The following SEC31A variants were observed in gnomAD, a reference collection of about 807,000 sequenced individuals.
SEC31A encodes SEC31 homolog A, COPII component, also known as protein transport protein Sec31A.
Under a neutral mutation model 151.0 loss-of-function variants are expected in SEC31A, and 70 were observed. The observed-to-expected ratio is 0.46, with a 90% CI of 0.38 to 0.57. SEC31A has a LOEUF of 0.57. Ranked by LOEUF, SEC31A falls within the 20% of genes least tolerant of loss-of-function variation. The probability of loss-of-function intolerance (pLI) is 0.00; values close to 1 mark genes in which losing one functional copy is unlikely to be tolerated. For synonymous variants in SEC31A, 475 were observed against 505.9 expected, an observed-to-expected ratio of 0.94 and a Z score of 0.82; for missense variants, 1,330 against 1,471.2, an observed-to-expected ratio of 0.90 and a Z score of 1.57.
intron 18 of SEC31A, 59 bp downstream of exon 18, chr4:82,853,511 G>A: frequency 2.2e-6 from 3 of 1,364,210 alleles, no homozygotes; most frequent in Non-Finnish European, 3.0e-6. Context: ...ATAACTTGAT[G>A]ATAAGTAGGG....
Position 82,867,326 on chromosome 4 carries a change from C to T in SEC31A, c.883-10G>A, listed in dbSNP as rs1276388234. The T allele has an allele frequency of 1.2e-6, 2 of 1,608,690 alleles. No homozygotes were observed. Among genetic ancestry groups the T allele is most frequent in the Admixed American group, 3.4e-5 (2 of 59,022 alleles). ...GAAGTTCATATAACACCTAGGCCAA[C>T]AAAAAACAAACAACAAAACTCAGAA... On this transcript the variant is annotated splice_polypyrimidine_tract_variant and intron_variant, in intron 8 of 26. Transcript: ENST00000395310.
chr4:82,853,671 G>C lies in SEC31A; in HGVS notation c.2053C>G (p.Gln685Glu). ...RLENEGDSLLQTQACLCYICA... is the reference protein window; with the variant it reads ...RLENEGDSLLETQACLCYICA... ...ATATAGCAGAGACATGCTTGAGTCT[G>C]CAGGAGGCTATCTCCTTCATTTTCA... Residue 685 changes from glutamine to glutamate, a missense_variant, in exon 18 of 27, where the codon CAG becomes GAG. Transcript: ENST00000395310. 6.2e-7 allele frequency: 1 copy of C among 1,601,132 alleles called. No homozygotes were observed. The highest frequency in any genetic ancestry group is 8.5e-7 in the Non-Finnish European group (1 of 1,176,764).
chr4:82,872,316 A>C (rs1479572108), intron 6 of SEC31A, among the ~76,000 whole-genome samples: 3 of 152,086 alleles, frequency 2.0e-5, no homozygotes. Context: ...CAGCCTCCTG[A>C]GTAGCTGGGA....
At chr4:82,857,649 G>C (rs1468436064) in intron 15 of SEC31A, 40 bp downstream of exon 15, 2 of 1,287,932 alleles carry the variant, frequency 1.6e-6, no homozygotes, top group African/African-American at 3.0e-5. Flanking sequence ...GTTTTCCAAT[G>C]GTTAAAAAAA....
intron 3 of SEC31A, among the ~76,000 whole-genome samples, chr4:82,898,307 A>G (rs193054356): frequency 6.6e-6 from 1 of 152,344 alleles, no homozygotes; most frequent in Non-Finnish European, 1.5e-5. Context: ...AACAACAAAA[A>G]AAGTATAGAT....
chr4:82,867,790 G>C (rs1173509219), intron 8 of SEC31A, among the ~76,000 whole-genome samples: 1 of 152,086 alleles, frequency 6.6e-6, no homozygotes, highest in Non-Finnish European at 1.5e-5. Flanking sequence ...CCATCATCAT[G>C]CCCGGCTAAT....
chr4:82,862,512 C>CTA, intron 13 of SEC31A, 22 bp downstream of exon 13: 1 of 1,602,462 alleles, frequency 6.2e-7, no homozygotes, highest in Middle Eastern at 1.7e-4. Context: ...TAGAAGGTAG[C>CTA]TATTTTTAAA....
intron 20 of SEC31A, chr4:82,845,277 G>T: frequency 6.5e-7 from 1 of 1,528,480 alleles, no homozygotes; most frequent in Non-Finnish European, 8.8e-7. Context: ...GGTAGTGACA[G>T]TAGGGGCAAT....
At position 82,819,057 on chromosome 4, in the gene SEC31A, G is replaced by C. The variant is rs369265042; in HGVS notation, c.*17C>G. ...TTTGGAAAAATGGCAATATTGAGTG[G>C]AAGAGAAGCTGTCCTTTTAGACACC... On this transcript the variant is annotated 3_prime_UTR_variant, in exon 27 of 27. Coordinates refer to ENST00000395310, the MANE Select transcript of SEC31A (RefSeq NM_001077207.4). The C allele has an allele frequency of 6.3e-6, 10 of 1,580,250 alleles. No individual in the cohort carries two copies. The highest frequency in any genetic ancestry group is 1.7e-4 in the Middle Eastern group (1 of 5,898).
In SEC31A at chr4:82,880,861, T is replaced by C; in HGVS notation, c.141A>G (p.Glu47=). The part of the protein sequence containing the change: ...FSTNASLEIF[E]LDLSDPSLDM... ...CCAAGGATGGATCAGAGAGGTCTAA[T>C]TCAAATATCTCAAGGGAAGCATTCG... Residue 47 remains glutamate (E), a synonymous_variant, in exon 3 of 27, where the codon GAA becomes GAG. Coordinates refer to ENST00000395310, the MANE Select transcript of SEC31A (RefSeq NM_001077207.4). 1 of 1,612,352 alleles carries C rather than the reference T, an allele frequency of 6.2e-7. No homozygotes were observed. The highest frequency in any genetic ancestry group is 8.5e-7 in the Non-Finnish European group (1 of 1,178,480).
chr4:82,827,207 A>T (rs1724803376), intron 24 of SEC31A, among the ~76,000 whole-genome samples, 162 bp downstream of exon 24: 1 of 152,232 alleles, frequency 6.6e-6, no homozygotes. Context: ...TAATTGAAAA[A>T]TAATATACAT....
intron 25 of SEC31A, among the ~76,000 whole-genome samples, chr4:82,823,260 G>A (rs1723790890): frequency 6.6e-6 from 1 of 152,182 alleles, no homozygotes; most frequent in Admixed American, 6.5e-5. Context: ...CACGCCTGAA[G>A]AATTGGTGTG....
Position 82,819,206 on chromosome 4 carries a change from A to G in SEC31A, c.3531T>C (p.Ile1177=). ...TSGLHNIARS[I]ETRNYSEGLT... ...ATCCTTCTGAGTAGTTTCGAGTTTC[A>G]ATGCTCCTTGCAATGTTGTGTAAAC... Residue 1177 remains isoleucine, a synonymous_variant, in exon 27 of 27, where the codon ATT becomes ATC. Coordinates refer to ENST00000395310, the MANE Select transcript of SEC31A (RefSeq NM_001077207.4). 1 of 1,610,724 alleles carries G rather than the reference A, an allele frequency of 6.2e-7. No individual in the cohort carries two copies. The highest frequency in any genetic ancestry group is 8.5e-7 in the Non-Finnish European group (1 of 1,178,492).
chr4:82,878,792 C>A lies in SEC31A; in HGVS notation c.340G>T (p.Val114Leu). The change falls in exon 4 of 27, where the codon GTG (valine) becomes TTG (leucine). Residue 114 changes from valine to leucine, a missense_variant. Transcript: ENST00000395310. ...SKIIAGDKEV[V>L]IAQNDKHTGP... is the part of the protein sequence containing the mutation. ...GTATGCTTGTCATTCTGGGCAATCA[C>A]AACTTCCTTGTCTCCAGCTATAATT... The A allele has an allele frequency of 6.2e-7, 1 of 1,614,122 alleles. No homozygotes were observed. Among genetic ancestry groups the A allele is most frequent in the Non-Finnish European group, 8.5e-7 (1 of 1,179,996 alleles).
At position 82,819,037 on chromosome 4, in the gene SEC31A, A is replaced by G. The variant is rs768870506; in HGVS notation, c.*37T>C. ...TTTTTTTTTTAACATGTTTCTTTGG[A>G]AAAATGGCAATATTGAGTGGAAGAG... On this transcript the variant is annotated 3_prime_UTR_variant, in exon 27 of 27. Transcript: ENST00000395310. The G allele has an allele frequency of 1.3e-6, 2 of 1,539,682 alleles. No individual in the cohort carries two copies. Among genetic ancestry groups the G allele is most frequent in the Middle Eastern group, 1.7e-4 (1 of 5,748 alleles).
Position 82,849,063 on chromosome 4 carries a change from T to A in SEC31A, c.2329-86A>T, listed in dbSNP as rs1730846593. 6.7e-6 allele frequency: 8 copies of A among 1,198,640 alleles called. 1 individual carries two copies. Among genetic ancestry groups the A allele is most frequent in the Middle Eastern group, 5.6e-4 (2 of 3,564 alleles). 74.3% of individuals were successfully genotyped at this position (1,198,640 alleles called of 1,614,324 possible). A position where few individuals can be genotyped will look rare whatever the true frequency, so the allele number is the denominator to read the frequency against. The stretch of plus-strand genomic sequence containing the variant: ...TTAATTTTCTTAATCAGATTATTCA[T>A]CAAGATATCCCTTTTTGTTCATAAT... On this transcript the variant is annotated intron_variant, in intron 19 of 26. Coordinates refer to ENST00000395310, the MANE Select transcript of SEC31A (RefSeq NM_001077207.4).
intron 16 of SEC31A, among the ~76,000 whole-genome samples, chr4:82,855,403 G>A (rs1187952309): frequency 6.6e-6 from 1 of 152,142 alleles, no homozygotes; most frequent in Non-Finnish European, 1.5e-5. Context: ...CCAGGCCAAG[G>A]GAACGACAGA....
At chr4:82,900,160 T>C (rs1720253242) in exon 2 of SEC31A, 1 of 152,412 alleles carries the variant, frequency 6.6e-6, no homozygotes, top group African/African-American at 2.4e-5. Context: ...CTCCTGCTCC[T>C]CCGGTATCAC....
At chr4:82,881,081 T>C (rs1191402911) in intron 2 of SEC31A, among the ~76,000 whole-genome samples, 159 bp from the exon 3 acceptor site, 1 of 152,266 alleles carries the variant, frequency 6.6e-6, no homozygotes, top group African/African-American at 2.4e-5. Context: ...AATGAGATTC[T>C]GGCACAGGGC....
Sources: allele counts gnomAD v4.1 joint callset (sites outside exome capture counted in the v4.1 genomes callset), GRCh38; gene constraint gnomAD v4.1.1; transcripts MANE v1.5; gene names NCBI Gene and HGNC (gene_info 2026-07-23, HGNC 2026-07-21).